TENM1: variants seen among roughly 807,000 people sequenced by gnomAD.
The protein encoded by TENM1 is teneurin transmembrane protein 1, also known as teneurin-1.
In TENM1, 35 loss-of-function variants were observed where a neutral mutation model predicts 174.8. The observed-to-expected ratio is 0.20, with a 90% confidence interval of 0.15 to 0.27. TENM1 has a LOEUF of 0.27. Among genes scored for constraint, TENM1 ranks in the 10% least tolerant of loss-of-function variants. TENM1 has a pLI of 1.00. For missense variants in TENM1, 1,633 were observed against 2,130.1 expected (o/e 0.77, Z 4.59); for synonymous variants, 781 against 798.7 (o/e 0.98, Z 0.37).
the TENM1 span, among the ~76,000 whole-genome samples, chrX:125,005,160 A>G: frequency 9.8e-6 from 1 of 102,184 alleles, no homozygotes; most frequent in Non-Finnish European, 2.0e-5. Context: ...CATAATACTA[A>G]TTCTTCAGGA....
intron 23 of TENM1, among the ~76,000 whole-genome samples, chrX:124,447,827 T>A (rs1323786805): frequency 9.0e-6 from 1 of 111,314 alleles, no homozygotes; most frequent in African/African-American, 3.3e-5. Context: ...CTCCTCTTTT[T>A]TATGCTGTGT....
At chrX:125,036,739 G>A in the TENM1 span, among the ~76,000 whole-genome samples, 2 of 111,385 alleles carry the variant, frequency 1.8e-5, no homozygotes, top group African/African-American at 6.5e-5. Context: ...TCTTTTCAGC[G>A]GTACCATCAG....
At chrX:124,593,508 C>A (rs1052178379) in intron 11 of TENM1, among the ~76,000 whole-genome samples, 28 of 110,925 alleles carry the variant, frequency 2.5e-4, no homozygotes, top group African/African-American at 8.5e-4. Context: ...GCGGCTCAGG[C>A]TGCTAGTCTA....
intron 3 of TENM1, among the ~76,000 whole-genome samples, chrX:124,767,455 A>C (rs1374692782): frequency 9.0e-6 from 1 of 111,555 alleles, no homozygotes; most frequent in Non-Finnish European, 1.9e-5. Context: ...ATGTGAGCAA[A>C]TAGTATTAAT....
At chrX:125,144,936 C>T in the TENM1 span, among the ~76,000 whole-genome samples, 81 of 109,150 alleles carry the variant, frequency 7.4e-4, no homozygotes, top group Middle Eastern at 4.7e-3. Flanking sequence ...TTAGTAGAGA[C>T]GGGGTTTCAC....
chrX:124,481,709 A>ATATATATATT (rs766603058), intron 22 of TENM1, 23 bp downstream of exon 25: 13 of 401,102 alleles, frequency 3.2e-5, no homozygotes, highest in Non-Finnish European at 4.8e-5. Flanking sequence ...ATATATATAT[A>ATATATATATT]TATTTATTTA....
the TENM1 span, among the ~76,000 whole-genome samples, chrX:125,174,885 T>G: frequency 8.9e-6 from 1 of 111,955 alleles, no homozygotes; most frequent in Non-Finnish European, 1.9e-5. Flanking sequence ...TTACTTTAAC[T>G]GCCCTTGGCC....
At chrX:124,601,315 CT>C (rs1297939741) in intron 11 of TENM1, among the ~76,000 whole-genome samples, 2 of 110,886 alleles carry the variant, frequency 1.8e-5, no homozygotes, top group Non-Finnish European at 3.8e-5. Context: ...TGGAGTCAAA[CT>C]TACGTGTGAG....
the TENM1 span, among the ~76,000 whole-genome samples, chrX:125,023,033 C>T: frequency 9.0e-6 from 1 of 111,203 alleles, no homozygotes; most frequent in African/African-American, 3.3e-5. Flanking sequence ...CTGTGGAGTA[C>T]ACCATTTGGC....
chrX:124,811,940 A>G (rs1430637860), intron 3 of TENM1, among the ~76,000 whole-genome samples: 1 of 111,537 alleles, frequency 9.0e-6, no homozygotes, highest in Non-Finnish European at 1.9e-5. Context: ...AGAAGTAGAG[A>G]GTATAATAGA....
chrX:124,909,043 G>C (rs1446971853), intron 1 of TENM1, among the ~76,000 whole-genome samples: 2 of 111,291 alleles, frequency 1.8e-5, no homozygotes, highest in Non-Finnish European at 3.8e-5. Flanking sequence ...ACTTTTAGTA[G>C]AGACGTGGTT....
At chrX:125,041,002 G>A in the TENM1 span, among the ~76,000 whole-genome samples, 5 of 111,085 alleles carry the variant, frequency 4.5e-5, no homozygotes, top group African/African-American at 1.3e-4. Context: ...AATGTCAATT[G>A]GGGAATCATT....
At chrX:125,201,698 A>G in the TENM1 span, among the ~76,000 whole-genome samples, 1 of 112,052 alleles carries the variant, frequency 8.9e-6, no homozygotes, top group East Asian at 2.8e-4. Flanking sequence ...GATTTATTTT[A>G]GGAATTACCT....
chrX:124,933,253 G>A (rs989849513), intron 1 of TENM1, among the ~76,000 whole-genome samples: 1 of 111,930 alleles, frequency 8.9e-6, no homozygotes, highest in Admixed American at 9.5e-5. Flanking sequence ...CCAAGAAGGT[G>A]TTAATGAGCA....
chrX:124,906,729 TAAAA>T (rs749483613), intron 1 of TENM1, among the ~76,000 whole-genome samples: 1 of 111,819 alleles, frequency 8.9e-6, no homozygotes, highest in African/African-American at 3.2e-5. Context: ...TACTGAGACA[TAAAA>T]AGGAATGATC....
the TENM1 span, among the ~76,000 whole-genome samples, chrX:125,118,163 C>A: frequency 9.0e-6 from 1 of 111,015 alleles, no homozygotes; most frequent in East Asian, 2.8e-4. Context: ...TAAGTGGGAA[C>A]TAAACAAAGG....
intron 4 of TENM1, among the ~76,000 whole-genome samples, chrX:124,723,728 G>A (rs1390404373): frequency 9.2e-6 from 1 of 108,338 alleles, no homozygotes. Flanking sequence ...AGCCTCCGGA[G>A]TAGCTGGGAA....
At chrX:124,997,661 G>A in the TENM1 span, among the ~76,000 whole-genome samples, 2 of 111,185 alleles carry the variant, frequency 1.8e-5, no homozygotes, top group South Asian at 3.8e-4. Context: ...TCAAGTGAAC[G>A]ATAAGAACTT....
intron 31 of TENM1, among the ~76,000 whole-genome samples, chrX:124,382,111 C>G (rs753711072): frequency 9.0e-6 from 1 of 111,526 alleles, no homozygotes; most frequent in South Asian, 3.8e-4. Flanking sequence ...GAAAAAGCTC[C>G]TTATTTTCAT....
Sources: allele counts gnomAD v4.1 joint callset (sites outside exome capture counted in the v4.1 genomes callset), GRCh38; gene constraint gnomAD v4.1.1; transcripts MANE v1.5; gene names NCBI Gene and HGNC (gene_info 2026-07-23, HGNC 2026-07-21).